The following PPP1R21 variants were observed in gnomAD, a reference collection of about 807,000 sequenced individuals.
PPP1R21 encodes the protein KLRAQ motif containing 1.
A neutral mutation model predicts 112.8 loss-of-function variants in PPP1R21; 85 were observed. The ratio of observed to expected loss-of-function variants is 0.75; its 90% confidence interval spans 0.63 to 0.90. The LOEUF (loss-of-function observed/expected upper bound fraction) is 0.90. Among genes scored for constraint, PPP1R21 ranks in the 40% least tolerant of loss-of-function variants. PPP1R21 has a pLI of 0.00. For synonymous variants in PPP1R21, 381 were observed against 322.3 expected (o/e 1.18, Z -1.95); for missense variants, 1,199 against 901.5 (o/e 1.33, Z -4.23).
rs1297839422 is a variant in PPP1R21 at position 48,502,119 on chromosome 2, T to C, written c.1935+3384T>C. The C allele has an allele frequency of 1.4e-4, 21 of 152,184 alleles. 1 individual carries two copies. Among genetic ancestry groups the C allele is most frequent in the Admixed American group, 1.4e-3 (21 of 15,278 alleles). 9.4% of individuals were successfully genotyped at this position (152,184 alleles called of 1,614,324 possible). A position where few individuals can be genotyped will look rare whatever the true frequency, so the allele number is the denominator to read the frequency against. On this transcript the variant is annotated intron_variant, in intron 17 of 21. Coordinates refer to ENST00000294952, the MANE Select transcript of PPP1R21 (RefSeq NM_001135629.3). ...TTCAATGGAAAACGCTATTCTTACATATGTAAGTGAAAAAAATTTCTAGGG... is the reference window on the plus strand; with the variant it reads ...TTCAATGGAAAACGCTATTCTTACACATGTAAGTGAAAAAAATTTCTAGGG...
chr2:48,504,437 T>A (rs1670278079), intron 17 of PPP1R21, among the ~76,000 whole-genome samples: 1 of 152,088 alleles, frequency 6.6e-6, no homozygotes, highest in African/African-American at 2.4e-5. Flanking sequence ...GGTCAGGAGT[T>A]CAAGACCAGC....
At chr2:48,454,471 C>A in intron 2 of PPP1R21, 124 bp from the exon 3 acceptor site, 1 of 1,191,582 alleles carries the variant, frequency 8.4e-7, no homozygotes, top group Non-Finnish European at 1.2e-6. Context: ...GATACACATA[C>A]AACCTGAATT....
At chr2:48,461,739 A>G (rs775998236) in intron 7 of PPP1R21, among the ~76,000 whole-genome samples, 1 of 152,230 alleles carries the variant, frequency 6.6e-6, no homozygotes, top group African/African-American at 2.4e-5. Flanking sequence ...ACTACTTTAC[A>G]TGTGTAATAG....
chr2:48,510,481 G>C (rs554219436), intron 20 of PPP1R21, among the ~76,000 whole-genome samples: 1 of 152,310 alleles, frequency 6.6e-6, no homozygotes, highest in East Asian at 1.9e-4. Context: ...TAAACTGAAA[G>C]GTGGGGCTAT....
chr2:48,461,391 T>A (rs2103803856), intron 7 of PPP1R21, among the ~76,000 whole-genome samples, 159 bp downstream of exon 7: 1 of 152,340 alleles, frequency 6.6e-6, no homozygotes, highest in East Asian at 1.9e-4. Flanking sequence ...GTAATCATAT[T>A]TAACAGGAAG....
chr2:48,472,083 T>C (rs1668535355), intron 11 of PPP1R21, among the ~76,000 whole-genome samples: 1 of 151,032 alleles, frequency 6.6e-6, no homozygotes, highest in Non-Finnish European at 1.5e-5. Context: ...CTTCTAAAAA[T>C]ACAAAAATTA....
intron 17 of PPP1R21, among the ~76,000 whole-genome samples, chr2:48,501,584 A>C (rs1670115818): frequency 2.0e-5 from 3 of 152,222 alleles, no homozygotes. Flanking sequence ...TCTCATCCCA[A>C]GCCCTGCCCT....
At chr2:48,486,978 C>G (rs1475626469) in intron 14 of PPP1R21, among the ~76,000 whole-genome samples, 1 of 152,178 alleles carries the variant, frequency 6.6e-6, no homozygotes, top group African/African-American at 2.4e-5. Context: ...ACTCAAACTC[C>G]TGGACTCAGG....
chr2:48,481,894 C>G (rs144268462), intron 13 of PPP1R21, among the ~76,000 whole-genome samples: 119 of 152,206 alleles, frequency 7.8e-4, no homozygotes, highest in Non-Finnish European at 1.0e-3. Context: ...AAGTTGCAGT[C>G]AAAACTTAGT....
chr2:48,511,135 G>T (rs1370177635), intron 20 of PPP1R21, among the ~76,000 whole-genome samples: 1 of 152,032 alleles, frequency 6.6e-6, no homozygotes, highest in Non-Finnish European at 1.5e-5. Context: ...ATCAAATCAG[G>T]GTCATTTGGA....
intron 3 of PPP1R21, 109 bp downstream of exon 3, chr2:48,454,850 G>A: frequency 1.2e-6 from 1 of 862,840 alleles, no homozygotes; most frequent in Non-Finnish European, 1.9e-6. Context: ...TTTTTTCTTT[G>A]TTTGTTTGAG....
intron 17 of PPP1R21, among the ~76,000 whole-genome samples, chr2:48,503,968 A>AAT (rs397782937): frequency 6.7e-6 from 1 of 149,992 alleles, no homozygotes; most frequent in Non-Finnish European, 1.5e-5. Context: ...AAAAAAAAAA[A>AAT]GTTTTCCTTG....
chr2:48,480,090 C>A, intron 13 of PPP1R21, 74 bp downstream of exon 13: 1 of 996,992 alleles, frequency 1.0e-6, no homozygotes, highest in Non-Finnish European at 1.6e-6. Flanking sequence ...AAGATTTAAA[C>A]AAACACTGCC....
At chr2:48,465,055 T>G (rs1398095946) in intron 8 of PPP1R21, 66 bp downstream of exon 8, 20 of 1,296,986 alleles carry the variant, frequency 1.5e-5, no homozygotes, top group South Asian at 1.4e-5. Flanking sequence ...GAAACAAGAA[T>G]TAGTTGTGTT....
intron 17 of PPP1R21, among the ~76,000 whole-genome samples, chr2:48,500,039 C>T (rs911873477): frequency 5.3e-5 from 8 of 152,066 alleles, no homozygotes; most frequent in Non-Finnish European, 8.8e-5. Context: ...GACTTTACTC[C>T]TGAAGCTCAC....
intron 9 of PPP1R21, 116 bp from the exon 10 acceptor site, chr2:48,470,971 G>A (rs757237786): frequency 3.5e-5 from 25 of 705,630 alleles, no homozygotes; most frequent in Admixed American, 2.4e-4. Flanking sequence ...TGAGGCTGCA[G>A]TGAGCCATTA....
chr2:48,474,356 C>T (rs1275107483), intron 11 of PPP1R21, among the ~76,000 whole-genome samples: 1 of 152,156 alleles, frequency 6.6e-6, no homozygotes, highest in Non-Finnish European at 1.5e-5. Flanking sequence ...GTACTCGAAT[C>T]TGGAGACAGT....
In PPP1R21 at chr2:48,510,080, G is replaced by A. The variant is rs1364832429; in HGVS notation, c.2151G>A (p.Met717Ile). ...CTAAGGAAGCATTGACAGAAGAAAT[G>A]AAACTTGCCAGTCAGAACATCAGCA... The part of the protein sequence containing the change: ...EKSKEALTEE[M>I]KLASQNISRL... The change falls in exon 20 of 22, where the codon ATG becomes ATA. Residue 717 changes from methionine to isoleucine, a missense_variant. Coordinates refer to ENST00000294952, the MANE Select transcript of PPP1R21 (RefSeq NM_001135629.3). 6.2e-7 allele frequency: 1 copy of A among 1,614,014 alleles called. No homozygotes were observed. Among genetic ancestry groups the A allele is most frequent in the South Asian group, 1.1e-5 (1 of 91,060 alleles).
intron 11 of PPP1R21, among the ~76,000 whole-genome samples, chr2:48,473,868 T>C (rs1393054348): frequency 6.6e-6 from 1 of 152,174 alleles, no homozygotes; most frequent in Non-Finnish European, 1.5e-5. Context: ...AATGGTAAAA[T>C]GCATTTTATG....
Sources: gnomAD v4.1 joint callset for allele counts (sites outside exome capture counted in the v4.1 genomes callset) on GRCh38, gnomAD v4.1.1 for gene constraint, MANE v1.5 for transcripts, NCBI Gene and HGNC (gene_info 2026-07-23, HGNC 2026-07-21) for gene names.